Variants in RGS10 observed in about 807,000 individuals in gnomAD.
RGS10 encodes the protein regulator of G-protein signalling 10.
A neutral mutation model predicts 23.5 loss-of-function variants in RGS10; 11 were observed. The observed-to-expected ratio is 0.47, with a 90% CI of 0.29 to 0.77. The LOEUF (loss-of-function observed/expected upper bound fraction) is 0.77. RGS10 is among the 30% of genes least tolerant of loss of function. RGS10 has a pLI of 0.08. For synonymous variants in RGS10, 77 were observed against 83.2 expected, an observed-to-expected ratio of 0.92 and a Z score of 0.41; for missense variants, 180 against 226.3, an observed-to-expected ratio of 0.80 and a Z score of 1.31.
chr10:119,536,638 A>G (rs1252133643), intron 1 of RGS10: 1 of 715,000 alleles, frequency 1.4e-6, no homozygotes, highest in Non-Finnish European at 2.3e-6. Flanking sequence ...ACAGATGGCC[A>G]CTGGTTTCCA....
chr10:119,534,464 G>A (rs1037909604), intron 1 of RGS10, among the ~76,000 whole-genome samples: 1 of 149,244 alleles, frequency 6.7e-6, no homozygotes, highest in African/African-American at 2.5e-5. Context: ...GGTAGCACGT[G>A]CCTATAGTCT....
intron 3 of RGS10, among the ~76,000 whole-genome samples, chr10:119,525,249 G>A (rs563141222): frequency 2.4e-4 from 37 of 152,226 alleles, no homozygotes; most frequent in African/African-American, 7.2e-4. Flanking sequence ...GTAAGCTGGC[G>A]GAGACGGAAC....
rs1589843647 is a variant in RGS10 at position 119,536,756 on chromosome 10, C to A, written c.49+5834G>T. ...AGAAAAAAGAAAATGGCCCAGCAGCCCTAGCCCGAAAACAAAGACCCTGTC... is the reference window on the plus strand; with the variant it reads ...AGAAAAAAGAAAATGGCCCAGCAGCACTAGCCCGAAAACAAAGACCCTGTC... On this transcript the variant is annotated intron_variant, in intron 1 of 4. Transcript: ENST00000369103. Among the ~76,000 whole-genome samples the A allele has an allele frequency of 2.0e-5, 3 of 152,266 alleles. No homozygotes were observed. The East Asian group carries it at 5.8e-4, about 29-fold the overall frequency.
At chr10:119,502,385 C>T (rs1843961782) in intron 4 of RGS10, among the ~76,000 whole-genome samples, 1 of 152,186 alleles carries the variant, frequency 6.6e-6, no homozygotes, top group African/African-American at 2.4e-5. Context: ...GAAGGTCCCA[C>T]CTGGCACCCA....
rs550410640 is a variant in RGS10, at chr10:119,531,092, T to C, written c.50-3668A>G. On this transcript the variant is annotated intron_variant, in intron 1 of 4. Coordinates refer to ENST00000369103, the MANE Select transcript of RGS10 (RefSeq NM_001005339.2). Reference sequence around the variant, plus strand: ...CACTGAGTTTCTTTCCAACAAAGTATAAATCCAATTAAAAGATCATTATTA... The same window carrying C: ...CACTGAGTTTCTTTCCAACAAAGTACAAATCCAATTAAAAGATCATTATTA... 2.6e-5 allele frequency among the ~76,000 whole-genome samples: 4 copies of C among 152,342 alleles called. No individual in the cohort carries two copies. The East Asian group carries it at 5.8e-4, about 22-fold the overall frequency.
At chr10:119,531,672 A>C (rs1363370623) in intron 1 of RGS10, among the ~76,000 whole-genome samples, 1 of 152,158 alleles carries the variant, frequency 6.6e-6, no homozygotes, top group East Asian at 1.9e-4. Context: ...GGAAGCAAAA[A>C]TCCAGAAGAT....
intron 4 of RGS10, among the ~76,000 whole-genome samples, chr10:119,500,656 G>A (rs1843941998): frequency 6.6e-6 from 1 of 151,336 alleles, no homozygotes; most frequent in African/African-American, 2.4e-5. Context: ...AGACAGTGGT[G>A]TTAAAAAGAT....
intron 1 of RGS10, among the ~76,000 whole-genome samples, chr10:119,539,806 A>T (rs559520853): frequency 6.6e-6 from 1 of 152,288 alleles, no homozygotes; most frequent in Admixed American, 6.5e-5. Context: ...GATTTTGCTG[A>T]AAGGTAGGAA....
chr10:119,515,136 T>A (rs1844126832), intron 4 of RGS10, among the ~76,000 whole-genome samples: 1 of 152,184 alleles, frequency 6.6e-6, no homozygotes, highest in South Asian at 2.1e-4. Context: ...CCTGCCACTT[T>A]GAGTTCTCCT....
Position 119,515,504 on chromosome 10 carries a change from G to C in RGS10, c.399+5C>G. 1 of 1,614,048 alleles carries C rather than the reference G, an allele frequency of 6.2e-7. No homozygotes were observed. Among genetic ancestry groups the C allele is most frequent in the Non-Finnish European group, 8.5e-7 (1 of 1,179,976 alleles). On this transcript the variant is annotated splice_donor_5th_base_variant and intron_variant, in intron 4 of 4. Coordinates refer to ENST00000369103, the MANE Select transcript of RGS10 (RefSeq NM_001005339.2). ...ATCAAGGTGCAGGCAGGGAAGTCGG[G>C]TTACCTGGTCCTGGAGTTTCTGGAA...
In RGS10 at chr10:119,527,098, G is replaced by C. The variant is rs535817233; in HGVS notation, c.168+208C>G. 3.9e-5 allele frequency among the ~76,000 whole-genome samples: 6 copies of C among 152,084 alleles called. No homozygotes were observed. The highest frequency in any genetic ancestry group is 1.2e-4 in the African/African-American group (5 of 41,500). Reference sequence around the variant, plus strand: ...CTCACTACACAAAAACCAGAAACAGGCTACCCATCTGTGACAGCGTTGCCA... The same window carrying C: ...CTCACTACACAAAAACCAGAAACAGCCTACCCATCTGTGACAGCGTTGCCA... On this transcript the variant is annotated intron_variant, in intron 2 of 4. Transcript: ENST00000369103. This position sits in a 1 kb window ranked among gnomAD's most constrained non-coding sequence, Gnocchi z 4.2.
intron 3 of RGS10, chr10:119,516,277 A>G (rs1844142651): frequency 6.7e-6 from 1 of 149,998 alleles, no homozygotes; most frequent in African/African-American, 2.5e-5. Flanking sequence ...AATCAAGTTA[A>G]AGTATGCACA....
intron 1 of RGS10, among the ~76,000 whole-genome samples, chr10:119,534,655 C>T (rs1844368364): frequency 6.8e-6 from 1 of 146,784 alleles, no homozygotes; most frequent in Non-Finnish European, 1.5e-5. Context: ...CTTTGGGAGG[C>T]TGAGGCAGGC....
intron 1 of RGS10, among the ~76,000 whole-genome samples, chr10:119,533,364 A>G (rs1844352524): frequency 6.6e-6 from 1 of 152,204 alleles, no homozygotes; most frequent in African/African-American, 2.4e-5. Flanking sequence ...AAAGAAAAAA[A>G]TGTTAACAAC....
Position 119,518,894 on chromosome 10 carries a change from C to T in RGS10, c.256-3242G>A, listed in dbSNP as rs147960067. Among the ~76,000 whole-genome samples the T allele has an allele frequency of 7.9e-3, 1,196 of 152,172 alleles. 42 individuals are homozygous for T. The highest frequency in any genetic ancestry group is 0.052 in the Admixed American group (791 of 15,296). On this transcript the variant is annotated intron_variant, in intron 3 of 4. Transcript: ENST00000369103. ...TAATTTTTTGTATTTTTAGTAGAGA[C>T]GGGGTTTCACCATGTTGGCCAGGCT... is the stretch of plus-strand genomic sequence containing the variant.
Position 119,524,514 on chromosome 10 carries a change from C to A in RGS10, c.255+1518G>T, listed in dbSNP as rs541135082. The stretch of plus-strand genomic sequence containing the variant: ...GCTAGGATTTTATGGTGAGGCTGGT[C>A]GCAGCGGTGGCACAGTCTAGCATTT... On this transcript the variant is annotated intron_variant, in intron 3 of 4. Coordinates refer to ENST00000369103, the MANE Select transcript of RGS10 (RefSeq NM_001005339.2). The surrounding 1 kb of genome is among the most constrained non-coding windows in gnomAD (Gnocchi z 5.2). Among the ~76,000 whole-genome samples, 1 of 152,230 alleles carries A rather than the reference C, an allele frequency of 6.6e-6. No individual in the cohort carries two copies. Among genetic ancestry groups the A allele is most frequent in the South Asian group, 2.1e-4 (1 of 4,818 alleles).
intron 1 of RGS10, among the ~76,000 whole-genome samples, chr10:119,528,812 C>T (rs975853281): frequency 4.7e-5 from 7 of 150,424 alleles, no homozygotes; most frequent in African/African-American, 1.5e-4. Context: ...CCAGCCTGGG[C>T]GACAGAGCAA....
chr10:119,529,409 G>A (rs563399212), intron 1 of RGS10, among the ~76,000 whole-genome samples: 42 of 152,206 alleles, frequency 2.8e-4, no homozygotes, highest in African/African-American at 9.4e-4. Context: ...AGCCAAGATC[G>A]TGCCACTGCA....
Position 119,500,331 on chromosome 10 carries a change from T to C in RGS10, c.400-72A>G, listed in dbSNP as rs1646762991. Reference sequence around the variant, plus strand: ...GCCATAAATCATCCCATCAGATATGTATTAATACCTACCATGTGCCAAAGA... The same window carrying C: ...GCCATAAATCATCCCATCAGATATGCATTAATACCTACCATGTGCCAAAGA... On this transcript the variant is annotated intron_variant, in intron 4 of 4. Transcript: ENST00000369103. 3.0e-6 allele frequency: 4 copies of C among 1,347,968 alleles called. No individual in the cohort carries two copies. In the East Asian group the frequency reaches 7.1e-5, roughly 24 times the overall value. The allele number at this position is 1,347,968 out of a possible 1,614,324, so 83.5% of individuals were successfully genotyped here.
Sources: gnomAD v4.1 joint callset for allele counts (sites outside exome capture counted in the v4.1 genomes callset) on GRCh38, gnomAD v4.1.1 for gene constraint, Gnocchi (gnomAD v3.1) non-coding constraint, MANE v1.5 for transcripts, NCBI Gene and HGNC (gene_info 2026-07-23, HGNC 2026-07-21) for gene names.